WDR7: variants seen among roughly 807,000 people sequenced by gnomAD.
The protein encoded by WDR7 is WD repeat domain 7.
WDR7 carries 46 observed loss-of-function variants against 169.4 expected under a neutral mutation model. The observed-to-expected ratio is 0.27, with a 90% CI of 0.21 to 0.35. The LOEUF (loss-of-function observed/expected upper bound fraction) is 0.35, where lower values mean the gene tolerates loss of function less well. WDR7 is among the 10% of genes least tolerant of loss of function. The pLI is 1.00. For missense variants in WDR7, 1,534 were observed against 1,859.3 expected (o/e 0.83, Z 3.22); for synonymous variants, 612 against 666.8 (o/e 0.92, Z 1.27).
intron 26 of WDR7, among the ~76,000 whole-genome samples, chr18:57,018,630 T>C (rs2048242477): frequency 6.6e-6 from 1 of 152,212 alleles, no homozygotes; most frequent in Non-Finnish European, 1.5e-5. Flanking sequence ...ATTAGAAAGA[T>C]GGGCTGAAAA....
intron 26 of WDR7, among the ~76,000 whole-genome samples, chr18:56,989,391 C>T (rs934041124): frequency 2.0e-5 from 3 of 151,978 alleles, no homozygotes; most frequent in Non-Finnish European, 4.4e-5. Context: ...ATATTTTTTC[C>T]AAGTAATTAG....
chr18:56,802,946 A>G (rs2044703793), intron 19 of WDR7, among the ~76,000 whole-genome samples: 1 of 151,380 alleles, frequency 6.6e-6, no homozygotes, highest in South Asian at 2.1e-4. Flanking sequence ...GCTTTATCTT[A>G]TGAGCTGTCT....
intron 26 of WDR7, among the ~76,000 whole-genome samples, chr18:56,974,321 C>CTTTCCTTTTCCT (rs775081880): frequency 6.7e-6 from 1 of 150,226 alleles, no homozygotes; most frequent in East Asian, 1.9e-4. Flanking sequence ...TTCCCTTTTC[C>CTTTCCTTTTCCT]TTTCCTTTTC....
chr18:56,735,104 C>T (rs2026671111), intron 14 of WDR7, among the ~76,000 whole-genome samples: 1 of 152,000 alleles, frequency 6.6e-6, no homozygotes, highest in Non-Finnish European at 1.5e-5. Context: ...ATGTAAGACA[C>T]TTACAAATAT....
At chr18:57,008,137 C>G (rs530379269) in intron 26 of WDR7, among the ~76,000 whole-genome samples, 1 of 152,248 alleles carries the variant, frequency 6.6e-6, no homozygotes, top group East Asian at 1.9e-4. Flanking sequence ...CCGCGCCCTC[C>G]CCAGGGTCTT....
chr18:56,810,377 A>G (rs2044848126), intron 19 of WDR7, among the ~76,000 whole-genome samples: 1 of 152,148 alleles, frequency 6.6e-6, no homozygotes, highest in Non-Finnish European at 1.5e-5. Flanking sequence ...GTCTGTTGCT[A>G]TCACAGTGCC....
At chr18:56,755,023 A>C (rs2043862389) in intron 14 of WDR7, among the ~76,000 whole-genome samples, 1 of 152,072 alleles carries the variant, frequency 6.6e-6, no homozygotes, top group Non-Finnish European at 1.5e-5. Flanking sequence ...TTACTTGACA[A>C]CCAATTTGAG....
At chr18:56,916,565 C>T (rs1447200779) in intron 21 of WDR7, among the ~76,000 whole-genome samples, 1 of 152,150 alleles carries the variant, frequency 6.6e-6, no homozygotes, top group Non-Finnish European at 1.5e-5. Flanking sequence ...AGGCTGGGAA[C>T]GACGTCACTA....
intron 21 of WDR7, among the ~76,000 whole-genome samples, chr18:56,908,681 C>T (rs1028893786): frequency 2.6e-5 from 4 of 152,090 alleles, no homozygotes; most frequent in Non-Finnish European, 4.4e-5. Flanking sequence ...ATTGAAACTA[C>T]TATCATCTCC....
chr18:56,876,759 A>C (rs369743882), intron 20 of WDR7, among the ~76,000 whole-genome samples: 2 of 152,348 alleles, frequency 1.3e-5, no homozygotes, highest in East Asian at 3.9e-4. Context: ...TATTCAACAC[A>C]AGAAACTAGA....
At chr18:56,877,865 G>A (rs2046047920) in intron 20 of WDR7, among the ~76,000 whole-genome samples, 1 of 152,046 alleles carries the variant, frequency 6.6e-6, no homozygotes, top group Non-Finnish European at 1.5e-5. Flanking sequence ...GTCCATGGTG[G>A]GCTTTGATAA....
intron 25 of WDR7, among the ~76,000 whole-genome samples, chr18:56,949,263 G>A (rs1009694088): frequency 2.0e-5 from 3 of 152,066 alleles, no homozygotes; most frequent in African/African-American, 7.2e-5. Flanking sequence ...GAAGACCTGA[G>A]TTTTTGTTTA....
intron 12 of WDR7, among the ~76,000 whole-genome samples, chr18:56,710,365 G>A (rs1160212715): frequency 6.6e-6 from 1 of 152,056 alleles, no homozygotes; most frequent in Admixed American, 6.6e-5. Context: ...ATATCCATGT[G>A]ATTATACTGT....
chr18:57,032,806 TATATATA>T (rs2048448716), downstream of WDR7: 2 of 14,538 alleles, frequency 1.4e-4, no homozygotes, highest in East Asian at 0.028. Flanking sequence ...TTATTTTATA[TATATATA>T]TATATATATA....
At chr18:56,939,500 A>G (rs1222889730) in intron 25 of WDR7, 107 bp downstream of exon 25, 5 of 643,378 alleles carry the variant, frequency 7.8e-6, no homozygotes, top group Non-Finnish European at 1.2e-5. Flanking sequence ...AAATCCAGTT[A>G]TTTATTAATG....
At chr18:56,927,111 G>A (rs183929249) in intron 22 of WDR7, among the ~76,000 whole-genome samples, 2 of 152,296 alleles carry the variant, frequency 1.3e-5, no homozygotes, top group Non-Finnish European at 2.9e-5. Context: ...AACATAAGCA[G>A]TGTTTCCTAC....
intron 20 of WDR7, among the ~76,000 whole-genome samples, chr18:56,865,253 G>C (rs111861650): frequency 6.6e-6 from 1 of 151,966 alleles, no homozygotes; most frequent in Non-Finnish European, 1.5e-5. Context: ...GGACTGAAAG[G>C]CATTTAGCAC....
intron 25 of WDR7, among the ~76,000 whole-genome samples, chr18:56,953,585 CTAAAGGGCCT>C (rs2047211907): frequency 6.6e-6 from 1 of 152,256 alleles, no homozygotes; most frequent in Admixed American, 6.5e-5. Context: ...AGTCCCTGCC[CTAAAGGGCCT>C]TAAAGTTGGC....
intron 14 of WDR7, among the ~76,000 whole-genome samples, chr18:56,747,062 A>G (rs2043716167): frequency 6.6e-6 from 1 of 152,194 alleles, no homozygotes; most frequent in African/African-American, 2.4e-5. Flanking sequence ...GAATCACTAA[A>G]TAACCCAGGA....
Sources: gnomAD v4.1 joint callset for allele counts (sites outside exome capture counted in the v4.1 genomes callset) on GRCh38, gnomAD v4.1.1 for gene constraint, MANE v1.5 for transcripts, NCBI Gene and HGNC (gene_info 2026-07-23, HGNC 2026-07-21) for gene names.